CBLIF: variants seen among roughly 807,000 people sequenced by gnomAD.
CBLIF encodes gastric intrinsic factor (vitamin B synthesis).
In CBLIF, 24 loss-of-function variants were observed where a neutral mutation model predicts 44.9. The observed-to-expected ratio is 0.53, with a 90% confidence interval of 0.39 to 0.75. The LOEUF (loss-of-function observed/expected upper bound fraction) is 0.75. Ranked by LOEUF, CBLIF falls within the 30% of genes least tolerant of loss-of-function variation. The pLI, the probability that CBLIF is intolerant of heterozygous loss-of-function variation, is 0.00. For missense variants in CBLIF, 481 were observed against 513.0 expected (o/e 0.94, Z 0.60); for synonymous variants, 183 against 190.9 (o/e 0.96, Z 0.34).
At chr11:59,836,086 A>C in intron 6 of CBLIF, 77 bp from the exon 7 acceptor site, 1 of 1,070,654 alleles carries the variant, frequency 9.3e-7, no homozygotes, top group Non-Finnish European at 1.5e-6. Context: ...TGTTATTGGC[A>C]ACTTACCCCA....
intron 8 of CBLIF, among the ~76,000 whole-genome samples, chr11:59,830,286 G>A (rs1202728859): frequency 6.7e-6 from 1 of 148,274 alleles, no homozygotes; most frequent in Non-Finnish European, 1.5e-5. Flanking sequence ...ACCCAAGCTG[G>A]AGTGCAGTGG....
At position 59,841,190 on chromosome 11, in the gene CBLIF, C is replaced by T; in HGVS notation, c.646G>A (p.Asp216Asn). The change falls in exon 5 of 9, where the codon GAT becomes AAT. Residue 216 changes from aspartate to asparagine, a missense_variant. Transcript: ENST00000257248. ...IVEKISMKIK[D>N]NGIIGDIYST... ...TAGATGTCTCCAATGATGCCATTATCTTTGATCTTCATGCTGATTTTCTCC... is the reference window on the plus strand; with the variant it reads ...TAGATGTCTCCAATGATGCCATTATTTTTGATCTTCATGCTGATTTTCTCC... 6.2e-7 allele frequency: 1 copy of T among 1,613,782 alleles called. No homozygotes were observed. The highest frequency in any genetic ancestry group is 8.5e-7 in the Non-Finnish European group (1 of 1,179,630).
chr11:59,833,577 G>T (rs1167392981), intron 7 of CBLIF, among the ~76,000 whole-genome samples: 1 of 152,028 alleles, frequency 6.6e-6, no homozygotes, highest in Non-Finnish European at 1.5e-5. Flanking sequence ...CCTGTCTATG[G>T]AAGTTAGGGA....
intron 7 of CBLIF, 69 bp downstream of exon 7, chr11:59,835,739 A>G: frequency 8.0e-7 from 1 of 1,253,248 alleles, no homozygotes; most frequent in Non-Finnish European, 1.2e-6. Flanking sequence ...TTAGGAAAAC[A>G]GGATGGATAA....
rs1415332629 is a variant in CBLIF at position 59,841,204 on chromosome 11, CT to C, written c.631del (p.Ser211AlafsTer2). On this transcript the variant is annotated frameshift_variant, in exon 5 of 9. Transcript: ENST00000257248. LOFTEE classifies it high-confidence loss of function. ...QVLKDIVEKI[S>X]MKIKDNGIIG... Reference sequence around the variant, plus strand: ...GATGCCATTATCTTTGATCTTCATGCTGATTTTCTCCACAATATCCTTTAGT... The same window carrying C: ...GATGCCATTATCTTTGATCTTCATGCGATTTTCTCCACAATATCCTTTAGT... 1 of 1,613,460 alleles carries C rather than the reference CT, an allele frequency of 6.2e-7. No individual in the cohort carries two copies. The highest frequency in any genetic ancestry group is 8.5e-7 in the Non-Finnish European group (1 of 1,179,464).
In CBLIF at chr11:59,842,595, A is replaced by T. The variant is rs748272970; in HGVS notation, c.371-12T>A. ...TTCAGCGTTGGGGCCTCCGAAGGGG[A>T]TAGAGAACCTTCATCAGACTCACAG... On this transcript the variant is annotated splice_polypyrimidine_tract_variant and intron_variant, in intron 3 of 8. Transcript: ENST00000257248. 2 of 1,612,750 alleles carry T rather than the reference A, an allele frequency of 1.2e-6. No homozygotes were observed. The highest frequency in any genetic ancestry group is 3.3e-5 in the Admixed American group (2 of 60,022).
chr11:59,835,027 C>G (rs749054761), intron 7 of CBLIF, among the ~76,000 whole-genome samples: 3 of 152,158 alleles, frequency 2.0e-5, no homozygotes, highest in Non-Finnish European at 2.9e-5. Context: ...GTCTCCTGAA[C>G]CTGGTATTTC....
rs992340399 is a variant in CBLIF, at chr11:59,844,147, T to TC, written c.80-93_80-92insG. On this transcript the variant is annotated intron_variant, in intron 1 of 8. Coordinates refer to ENST00000257248, the MANE Select transcript of CBLIF (RefSeq NM_005142.3). Reference sequence around the variant, plus strand: ...GTCTTTGATGCTTTTTCTTTCTTTCTTTTTTTTTTGAGACAGTGTTACTCT... The same window carrying TC: ...GTCTTTGATGCTTTTTCTTTCTTTCTCTTTTTTTTTGAGACAGTGTTACTCT... 3 of 785,112 alleles carry TC rather than the reference T, an allele frequency of 3.8e-6. No individual in the cohort carries two copies. The African/African-American group carries it at 5.5e-5, about 14-fold the overall frequency. 48.6% of individuals were successfully genotyped at this position (785,112 alleles called of 1,614,324 possible). A position where few individuals can be genotyped will look rare whatever the true frequency, so the allele number is the denominator to read the frequency against.
chr11:59,841,413 G>A, intron 4 of CBLIF, 89 bp from the exon 5 acceptor site: 1 of 927,018 alleles, frequency 1.1e-6, no homozygotes, highest in Non-Finnish European at 1.7e-6. Flanking sequence ...TTATATTCTG[G>A]CTCCATGATT....
At chr11:59,832,706 A>G (rs112601756) in intron 7 of CBLIF, among the ~76,000 whole-genome samples, 3,492 of 152,266 alleles carry the variant, frequency 0.023, 136 homozygotes, top group African/African-American at 0.078. Context: ...AAGCAAACAT[A>G]CAAATGACTA....
Position 59,839,784 on chromosome 11 carries a change from C to G in CBLIF, c.693+1359G>C, listed in dbSNP as rs961146908. ...CCCAGGTACAGCTTATCAAAGTGTACTTGGCAGGTGATAAAATCCAAACAG... is the reference window on the plus strand; with the variant it reads ...CCCAGGTACAGCTTATCAAAGTGTAGTTGGCAGGTGATAAAATCCAAACAG... On this transcript the variant is annotated intron_variant, in intron 5 of 8. Transcript: ENST00000257248. 2.6e-5 allele frequency among the ~76,000 whole-genome samples: 4 copies of G among 151,984 alleles called. No individual in the cohort carries two copies. The South Asian group carries it at 8.3e-4, about 31-fold the overall frequency.
chr11:59,841,233 C>T lies in CBLIF; in HGVS notation c.603G>A (p.Gln201=), dbSNP rs1198077231. 1.2e-6 allele frequency: 2 copies of T among 1,612,848 alleles called. No individual in the cohort carries two copies. Among genetic ancestry groups the T allele is most frequent in the Non-Finnish European group, 1.7e-6 (2 of 1,178,808 alleles). ...SEEGYRSLFG[Q]VLKDIVEKIS... ...TTTTCTCCACAATATCCTTTAGTAC[C>T]TGACCAAACAGGGATCTGTAACCTT... is the stretch of plus-strand genomic sequence containing the variant. The change falls in exon 5 of 9, where the codon CAG becomes CAA. Residue 201 remains glutamine, a synonymous_variant. Transcript: ENST00000257248.
chr11:59,835,899 G>A lies in CBLIF; in HGVS notation c.982C>T (p.Leu328Phe). ...INNQLRGVELLFNETINVSVK... is the reference protein window; with the variant it reads ...INNQLRGVELFFNETINVSVK... ...CTAACATTGATGGTCTCGTTGAAGA[G>A]CAGCTCAACCCCCCTCAGCTGGTTA... Residue 328 changes from leucine to phenylalanine, a missense_variant, in exon 7 of 9, where the codon CTC becomes TTC. Physicochemically the swap from Leu to Phe is conservative, Grantham distance 22. Coordinates refer to ENST00000257248, the MANE Select transcript of CBLIF (RefSeq NM_005142.3). The A allele has an allele frequency of 6.2e-7, 1 of 1,613,922 alleles. No individual in the cohort carries two copies. Among genetic ancestry groups the A allele is most frequent in the South Asian group, 1.1e-5 (1 of 91,070 alleles).
In CBLIF at chr11:59,843,997, C is replaced by T. The variant is rs200472519; in HGVS notation, c.138G>A (p.Ser46=). ...VNGIQVLMEN[S]VTSSAYPNPS... is the part of the protein sequence containing the mutation. ...GGTTTGGGTAGGCTGATGAAGTCAC[C>T]GAGTTCTCCATGAGTACTTGTATTC... The change falls in exon 2 of 9, where the codon TCG becomes TCA. Residue 46 remains serine (S), a synonymous_variant. Coordinates refer to ENST00000257248, the MANE Select transcript of CBLIF (RefSeq NM_005142.3). 35 of 1,613,694 alleles carry T rather than the reference C, an allele frequency of 2.2e-5. No homozygotes were observed. Among genetic ancestry groups the T allele is most frequent in the South Asian group, 6.6e-5 (6 of 91,080 alleles).
intron 8 of CBLIF, 57 bp from the exon 9 acceptor site, chr11:59,829,602 C>T (rs766276020): frequency 1.8e-5 from 19 of 1,033,630 alleles, no homozygotes; most frequent in Middle Eastern, 4.1e-4. Context: ...CCACCTCCAT[C>T]CCCCAAGGGA....
chr11:59,839,288 C>A (rs1866493728), intron 5 of CBLIF, among the ~76,000 whole-genome samples: 1 of 151,974 alleles, frequency 6.6e-6, no homozygotes, highest in Non-Finnish European at 1.5e-5. Flanking sequence ...GTGGCCTGGG[C>A]CACTGGAAGT....
At chr11:59,845,141 G>T in intron 1 of CBLIF, 2 of 530,622 alleles carry the variant, frequency 3.8e-6, no homozygotes, top group African/African-American at 1.9e-5. Context: ...GGGATTACAG[G>T]TGTGAGCCAC....
At position 59,831,231 on chromosome 11, in the gene CBLIF, A is replaced by G. The variant is rs1045577255; in HGVS notation, c.1192+447T>C. Among the ~76,000 whole-genome samples the G allele has an allele frequency of 2.6e-5, 4 of 152,174 alleles. No homozygotes were observed. In the South Asian group the frequency reaches 8.3e-4, roughly 32 times the overall value. On this transcript the variant is annotated intron_variant, in intron 8 of 8. Coordinates refer to ENST00000257248, the MANE Select transcript of CBLIF (RefSeq NM_005142.3). ...TTTTTCAGGGGAAACATGCACCAAC[A>G]TCCATATGCAGGCATTCCTCTCTCT...
chr11:59,835,496 T>C (rs1866441742), intron 7 of CBLIF, among the ~76,000 whole-genome samples: 1 of 152,194 alleles, frequency 6.6e-6, no homozygotes, highest in Non-Finnish European at 1.5e-5. Flanking sequence ...TGGACTTACC[T>C]CTTCCCACAT....
Sources: allele counts gnomAD v4.1 joint callset (sites outside exome capture counted in the v4.1 genomes callset), GRCh38; gene constraint gnomAD v4.1.1; transcripts MANE v1.5; gene names NCBI Gene and HGNC (gene_info 2026-07-23, HGNC 2026-07-21).